GLDN: variants seen among roughly 807,000 people sequenced by gnomAD.
The protein encoded by GLDN is gliomedin.
In GLDN, 47 loss-of-function variants were observed where a neutral mutation model predicts 56.5. That is an observed-to-expected ratio of 0.83 (90% confidence interval 0.66 to 1.06). GLDN has a LOEUF of 1.06. Among genes scored for constraint, GLDN ranks in the 50% least tolerant of loss-of-function variants. The probability of loss-of-function intolerance (pLI) is 0.00; values close to 1 mark genes in which losing one functional copy is unlikely to be tolerated. For synonymous variants in GLDN, 332 were observed against 278.8 expected, an observed-to-expected ratio of 1.19 and a Z score of -1.90; for missense variants, 782 against 714.3, an observed-to-expected ratio of 1.09 and a Z score of -1.08.
chr15:51,350,515 T>G (rs2037056848), intron 1 of GLDN, among the ~76,000 whole-genome samples: 1 of 152,192 alleles, frequency 6.6e-6, no homozygotes, highest in Admixed American at 6.5e-5. Flanking sequence ...TGCTGTGTAC[T>G]CTGAGCACAC....
chr15:51,359,755 T>C (rs1031177218), intron 1 of GLDN, among the ~76,000 whole-genome samples: 4 of 151,908 alleles, frequency 2.6e-5, no homozygotes, highest in Admixed American at 2.6e-4. Flanking sequence ...GGAGGGCGGA[T>C]CATGAGGTCA....
intron 1 of GLDN, among the ~76,000 whole-genome samples, chr15:51,374,978 C>A (rs115159446): frequency 6.6e-6 from 1 of 152,140 alleles, no homozygotes; most frequent in Non-Finnish European, 1.5e-5. Flanking sequence ...ATCTTCCCAC[C>A]TTGGCCTACC....
At chr15:51,394,642 T>G (rs890127543) in intron 4 of GLDN, among the ~76,000 whole-genome samples, 193 bp from the exon 5 acceptor site, 6 of 150,500 alleles carry the variant, frequency 4.0e-5, no homozygotes, top group African/African-American at 9.8e-5. Context: ...AAATAAATAA[T>G]CCAGCAGAGC....
intron 1 of GLDN, among the ~76,000 whole-genome samples, chr15:51,371,976 C>T (rs772797707): frequency 3.7e-4 from 57 of 152,176 alleles, no homozygotes; most frequent in African/African-American, 1.3e-3. Context: ...TGAGCCGCCG[C>T]GCCTGGCCAG....
intron 1 of GLDN, 110 bp downstream of exon 1, chr15:51,342,157 G>C (rs2036898962): frequency 2.2e-6 from 3 of 1,379,942 alleles, no homozygotes; most frequent in Non-Finnish European, 3.0e-6. Context: ...GAGGTGCTGC[G>C]GAGAGGGCTG....
At chr15:51,379,246 T>C (rs566522410) in intron 2 of GLDN, among the ~76,000 whole-genome samples, 51 of 152,340 alleles carry the variant, frequency 3.3e-4, no homozygotes, top group Non-Finnish European at 6.6e-4. Context: ...TGCATCTTAC[T>C]CTGGAGCCCA....
intron 1 of GLDN, among the ~76,000 whole-genome samples, chr15:51,371,877 G>A (rs1037671287): frequency 3.3e-5 from 5 of 152,150 alleles, no homozygotes; most frequent in Non-Finnish European, 4.4e-5. Context: ...TAGAGACAAG[G>A]TTTCCCCATA....
At chr15:51,379,777 T>A (rs1339533576) in intron 2 of GLDN, among the ~76,000 whole-genome samples, 2 of 152,178 alleles carry the variant, frequency 1.3e-5, no homozygotes, top group East Asian at 3.9e-4. Flanking sequence ...ACAGTTAGCA[T>A]GAGCTACATA....
At position 51,347,049 on chromosome 15, in the gene GLDN, A is replaced by G. The variant is rs559730779; in HGVS notation, c.363+5002A>G. ...CTACTGTACTCCAGCTGGGCGACAGAGGAGGACTCCATCTCAAAAAAAACA... is the reference window on the plus strand; with the variant it reads ...CTACTGTACTCCAGCTGGGCGACAGGGGAGGACTCCATCTCAAAAAAAACA... On this transcript the variant is annotated intron_variant, in intron 1 of 9. Transcript: ENST00000335449. Among the ~76,000 whole-genome samples the G allele has an allele frequency of 1.8e-4, 28 of 152,344 alleles. No individual in the cohort carries two copies. The South Asian group carries it at 4.6e-3, about 25-fold the overall frequency.
chr15:51,389,280 G>A (rs950162471), intron 4 of GLDN, among the ~76,000 whole-genome samples: 1 of 152,154 alleles, frequency 6.6e-6, no homozygotes, highest in Non-Finnish European at 1.5e-5. Flanking sequence ...CTTAGCTAGG[G>A]CCCAGCTAAG....
At chr15:51,363,621 C>T (rs1490404393) in intron 1 of GLDN, among the ~76,000 whole-genome samples, 1 of 152,180 alleles carries the variant, frequency 6.6e-6, no homozygotes, top group Non-Finnish European at 1.5e-5. Flanking sequence ...AAAGAAAAAT[C>T]CTCAAACACT....
At chr15:51,410,420 A>G (rs2038453400), downstream of GLDN, among the ~76,000 whole-genome samples, 1 of 152,180 alleles carries the variant, frequency 6.6e-6, no homozygotes, top group Non-Finnish European at 1.5e-5. Flanking sequence ...CCAATGACTG[A>G]TCGGTGTGAG....
intron 1 of GLDN, among the ~76,000 whole-genome samples, chr15:51,346,594 C>T (rs2036982657): frequency 6.6e-6 from 1 of 152,122 alleles, no homozygotes; most frequent in South Asian, 2.1e-4. Flanking sequence ...ATGAGTATAT[C>T]ATTTTTAATT....
chr15:51,404,235 A>G, intron 9 of GLDN, 42 bp from the exon 10 acceptor site: 2 of 1,457,918 alleles, frequency 1.4e-6, no homozygotes, highest in Non-Finnish European at 1.9e-6. Flanking sequence ...TGTCCACAGA[A>G]ACGGTGATTC....
intron 8 of GLDN, among the ~76,000 whole-genome samples, chr15:51,401,015 A>G (rs1340978652): frequency 6.6e-6 from 1 of 152,196 alleles, no homozygotes; most frequent in Non-Finnish European, 1.5e-5. Flanking sequence ...GTGGTCAGGA[A>G]TTGCTAGTGG....
chr15:51,355,120 A>G (rs1320610526), intron 1 of GLDN, among the ~76,000 whole-genome samples: 1 of 152,240 alleles, frequency 6.6e-6, no homozygotes, highest in Non-Finnish European at 1.5e-5. Flanking sequence ...ATTCAGGGTG[A>G]GTCCACAGAA....
chr15:51,341,670 C>A lies in GLDN; in HGVS notation c.-15C>A. ...GCAGGCTGCCAAGCCCTGCCCTGCCCAAGGCGCATAGAGCATGGCCCGAGG... is the reference window on the plus strand; with the variant it reads ...GCAGGCTGCCAAGCCCTGCCCTGCCAAAGGCGCATAGAGCATGGCCCGAGG... On this transcript the variant is annotated 5_prime_UTR_variant, in exon 1 of 10. Coordinates refer to ENST00000335449, the MANE Select transcript of GLDN (RefSeq NM_181789.4). 1 of 1,389,556 alleles carries A rather than the reference C, an allele frequency of 7.2e-7. No individual in the cohort carries two copies. The highest frequency in any genetic ancestry group is 9.2e-7 in the Non-Finnish European group (1 of 1,083,676). The allele number at this position is 1,389,556 out of a possible 1,614,324, so 86.1% of individuals were successfully genotyped here. A position where few individuals can be genotyped will look rare whatever the true frequency, so the allele number is the denominator to read the frequency against.
At chr15:51,410,688 C>T (rs1269730614), downstream of GLDN, among the ~76,000 whole-genome samples, 2 of 152,178 alleles carry the variant, frequency 1.3e-5, no homozygotes, top group Admixed American at 6.5e-5. Context: ...ACATAAAATA[C>T]AGGATTCCAA....
chr15:51,373,092 A>G (rs1278326973), intron 1 of GLDN, among the ~76,000 whole-genome samples: 1 of 152,186 alleles, frequency 6.6e-6, no homozygotes, highest in Non-Finnish European at 1.5e-5. Context: ...CAACACATGC[A>G]TTTGGGAGGA....
Sources: gnomAD v4.1 joint callset for allele counts (sites outside exome capture counted in the v4.1 genomes callset) on GRCh38, gnomAD v4.1.1 for gene constraint, MANE v1.5 for transcripts, NCBI Gene and HGNC (gene_info 2026-07-23, HGNC 2026-07-21) for gene names.